Variants in PTPRM observed in about 807,000 individuals in gnomAD.
PTPRM encodes protein tyrosine phosphatase receptor type M.
PTPRM carries 47 observed loss-of-function variants against 186.7 expected under a neutral mutation model. The ratio of observed to expected loss-of-function variants is 0.25; its 90% confidence interval spans 0.20 to 0.32. PTPRM has a LOEUF of 0.32. PTPRM is among the 10% of genes least tolerant of loss of function. PTPRM has a pLI of 1.00. For missense variants in PTPRM, 1,494 were observed against 1,865.0 expected (o/e 0.80, Z 3.66); for synonymous variants, 668 against 674.9 (o/e 0.99, Z 0.16).
At chr18:8,333,185 A>G (rs608392) in intron 22 of PTPRM, among the ~76,000 whole-genome samples, 112,542 of 152,166 alleles carry the variant, frequency 0.74, 41,729 homozygotes, top group Admixed American at 0.82. Context: ...CATGTCCCTT[A>G]TACCCACCCA....
chr18:8,220,848 C>T (rs1176115628), intron 14 of PTPRM, among the ~76,000 whole-genome samples: 1 of 152,146 alleles, frequency 6.6e-6, no homozygotes. Flanking sequence ...TAAATGTAAG[C>T]ATTTATGTGC....
intron 14 of PTPRM, among the ~76,000 whole-genome samples, chr18:8,150,633 T>C (rs1417783928): frequency 6.6e-6 from 1 of 152,184 alleles, no homozygotes; most frequent in Non-Finnish European, 1.5e-5. Flanking sequence ...ACCGACCTTG[T>C]GAAGCCTACT....
intron 31 of PTPRM, among the ~76,000 whole-genome samples, chr18:8,393,993 G>A (rs763019830): frequency 5.3e-5 from 8 of 152,164 alleles, no homozygotes; most frequent in Non-Finnish European, 8.8e-5. Context: ...GGGTTTCACC[G>A]TGTTTAGCCA....
At chr18:7,965,520 G>A (rs535843605) in intron 7 of PTPRM, among the ~76,000 whole-genome samples, 27 of 152,124 alleles carry the variant, frequency 1.8e-4, no homozygotes, top group Non-Finnish European at 3.2e-4. Context: ...GGTCTTGGTG[G>A]TGTGGATGTA....
At chr18:8,102,712 G>A (rs985122607) in intron 11 of PTPRM, among the ~76,000 whole-genome samples, 1 of 152,104 alleles carries the variant, frequency 6.6e-6, no homozygotes, top group African/African-American at 2.4e-5. Flanking sequence ...CTTCTTCCAA[G>A]CTCCTGTTAA....
chr18:7,745,070 C>T (rs544908569), intron 1 of PTPRM, among the ~76,000 whole-genome samples: 1 of 151,954 alleles, frequency 6.6e-6, no homozygotes. Flanking sequence ...AGCTGATGAC[C>T]TTGGGTAAGT....
chr18:8,013,714 G>A lies in PTPRM; in HGVS notation c.1133-55972G>A, dbSNP rs538722935. On this transcript the variant is annotated intron_variant, in intron 7 of 32. Coordinates refer to ENST00000580170, the MANE Select transcript of PTPRM (RefSeq NM_001105244.2). ...CCCCTCTGTTGGCCACTGTGAAGGA[G>A]GAACGCCATTAGTTCAAGGATAACA... Among the ~76,000 whole-genome samples the A allele has an allele frequency of 1.0e-3, 154 of 152,264 alleles. 1 individual carries two copies. The Middle Eastern group carries it at 0.037, about 37-fold the overall frequency.
At chr18:7,648,737 G>C (rs895598618) in intron 1 of PTPRM, among the ~76,000 whole-genome samples, 1 of 152,164 alleles carries the variant, frequency 6.6e-6, no homozygotes, top group African/African-American at 2.4e-5. Context: ...GCAGAGTTTG[G>C]TTCATAAGGT....
At chr18:8,001,618 A>C (rs1177284970) in intron 7 of PTPRM, among the ~76,000 whole-genome samples, 1 of 152,164 alleles carries the variant, frequency 6.6e-6, no homozygotes, top group African/African-American at 2.4e-5. Context: ...TATGTATTCC[A>C]AAACTAGCAA....
chr18:7,725,377 A>C (rs1251556662), intron 1 of PTPRM, among the ~76,000 whole-genome samples: 6 of 152,194 alleles, frequency 3.9e-5, no homozygotes, highest in Non-Finnish European at 5.9e-5. Context: ...AATGGGTATG[A>C]GGTGGTGATA....
chr18:8,242,597 A>G (rs1414394908), intron 14 of PTPRM, among the ~76,000 whole-genome samples: 1 of 152,210 alleles, frequency 6.6e-6, no homozygotes, highest in Non-Finnish European at 1.5e-5. Flanking sequence ...ACTGTCAGAG[A>G]TGTTATAAGT....
At position 8,229,439 on chromosome 18, in the gene PTPRM, C is replaced by T. The variant is rs532489440; in HGVS notation, c.2301-14619C>T. Among the ~76,000 whole-genome samples, 19 of 152,244 alleles carry T rather than the reference C, an allele frequency of 1.2e-4. No individual in the cohort carries two copies. In the South Asian group the frequency reaches 3.3e-3, roughly 27 times the overall value. On this transcript the variant is annotated intron_variant, in intron 14 of 32. Coordinates refer to ENST00000580170, the MANE Select transcript of PTPRM (RefSeq NM_001105244.2). Reference sequence around the variant, plus strand: ...CTACAGTTAGAAAACTTTAGGTACTCGTGCCCTCTCCAGAAAGCAGCAGGC... The same window carrying T: ...CTACAGTTAGAAAACTTTAGGTACTTGTGCCCTCTCCAGAAAGCAGCAGGC...
At chr18:7,860,007 A>G (rs1375426978) in intron 2 of PTPRM, among the ~76,000 whole-genome samples, 1 of 152,194 alleles carries the variant, frequency 6.6e-6, no homozygotes, top group African/African-American at 2.4e-5. Context: ...GAGAAAATTT[A>G]TGGAGAATTT....
chr18:8,237,945 G>GT (rs34883118), intron 14 of PTPRM, among the ~76,000 whole-genome samples: 37,681 of 151,854 alleles, frequency 0.25, 5,457 homozygotes, highest in African/African-American at 0.4. Context: ...TAAGTAACGT[G>GT]TTTTCCCCCC....
intron 1 of PTPRM, among the ~76,000 whole-genome samples, chr18:7,691,786 A>C (rs928698098): frequency 6.6e-6 from 1 of 152,152 alleles, no homozygotes. Flanking sequence ...AAACAAAAAA[A>C]CAATTGGTCA....
chr18:7,784,247 A>T (rs2042993717), intron 2 of PTPRM, among the ~76,000 whole-genome samples: 1 of 152,126 alleles, frequency 6.6e-6, no homozygotes, highest in South Asian at 2.1e-4. Context: ...AACAAATAGA[A>T]GTTCCTTCCC....
intron 23 of PTPRM, among the ~76,000 whole-genome samples, chr18:8,364,149 A>C (rs7227545): frequency 0.16 from 24,439 of 152,250 alleles, 2,369 homozygotes; most frequent in South Asian, 0.32. Context: ...CCCCCTTCCA[A>C]ATAAAGCCAG....
intron 7 of PTPRM, among the ~76,000 whole-genome samples, chr18:7,966,282 G>C (rs954539771): frequency 1.3e-5 from 2 of 152,270 alleles, no homozygotes; most frequent in Non-Finnish European, 2.9e-5. Context: ...CAAAATTGCT[G>C]ATCCTCCATC....
At chr18:7,947,058 T>G (rs2052576964) in intron 5 of PTPRM, 1 of 455,076 alleles carries the variant, frequency 2.2e-6, no homozygotes, top group Admixed American at 2.4e-5. Context: ...GTGAGTCTGT[T>G]TATTCTGTGC....
Sources: gnomAD v4.1 joint callset for allele counts (sites outside exome capture counted in the v4.1 genomes callset) on GRCh38, gnomAD v4.1.1 for gene constraint, MANE v1.5 for transcripts, NCBI Gene and HGNC (gene_info 2026-07-23, HGNC 2026-07-21) for gene names.